STARD13: variants seen among roughly 807,000 people sequenced by gnomAD.
STARD13 encodes the protein StAR related lipid transfer domain containing 13.
Under a neutral mutation model 106.4 loss-of-function variants are expected in STARD13, and 62 were observed. The ratio of observed to expected loss-of-function variants is 0.58; its 90% CI spans 0.48 to 0.72. STARD13 has a LOEUF of 0.72. Among genes scored for constraint, STARD13 ranks in the 30% least tolerant of loss-of-function variants. The pLI, the probability that STARD13 is intolerant of heterozygous loss-of-function variation, is 0.00. For synonymous variants in STARD13, 565 were observed against 553.0 expected (o/e 1.02, Z -0.31); for missense variants, 1,387 against 1,424.0 (o/e 0.97, Z 0.42).
At chr13:33,592,497 A>G in the STARD13 span, among the ~76,000 whole-genome samples, 5 of 152,180 alleles carry the variant, frequency 3.3e-5, no homozygotes, top group South Asian at 4.1e-4. Context: ...CCAGGGGTCA[A>G]CTGTTTACAG....
At chr13:33,496,602 G>A in the STARD13 span, among the ~76,000 whole-genome samples, 1 of 151,976 alleles carries the variant, frequency 6.6e-6, no homozygotes, top group Admixed American at 6.6e-5. Context: ...TGAATCACCT[G>A]TATGCATAGG....
chr13:33,353,295 C>T (rs576633710), upstream of STARD13, among the ~76,000 whole-genome samples: 18 of 152,334 alleles, frequency 1.2e-4, no homozygotes, highest in African/African-American at 3.6e-4. Flanking sequence ...CCTCAATGAA[C>T]GTGATCTTGC....
intron 1 of STARD13, among the ~76,000 whole-genome samples, chr13:33,185,267 G>A (rs547176752): frequency 2.6e-5 from 4 of 152,272 alleles, no homozygotes; most frequent in East Asian, 3.9e-4. Context: ...TTAAGATCAC[G>A]GGATGAAGGA....
At chr13:33,403,585 T>C in the STARD13 span, among the ~76,000 whole-genome samples, 1 of 152,208 alleles carries the variant, frequency 6.6e-6, no homozygotes, top group Admixed American at 6.5e-5. Flanking sequence ...CGTAATAGGC[T>C]GGAAATAAAT....
the STARD13 span, among the ~76,000 whole-genome samples, chr13:33,642,269 T>A: frequency 6.6e-6 from 1 of 152,200 alleles, no homozygotes; most frequent in African/African-American, 2.4e-5. Flanking sequence ...AATAAACACC[T>A]GGATTTAACA....
chr13:33,606,086 G>A, the STARD13 span, among the ~76,000 whole-genome samples: 1 of 152,140 alleles, frequency 6.6e-6, no homozygotes, highest in African/African-American at 2.4e-5. Context: ...GATCAACTGA[G>A]GTCATGAGTT....
chr13:33,499,597 CTTCTTCTTT>C, the STARD13 span, among the ~76,000 whole-genome samples: 82 of 59,494 alleles, frequency 1.4e-3, no homozygotes, highest in African/African-American at 2.9e-3. Context: ...TCTTCTTCTT[CTTCTTCTTT>C]CTTCTTCTTC....
chr13:33,264,812 G>T (rs1468408085), intron 1 of STARD13, among the ~76,000 whole-genome samples: 1 of 152,170 alleles, frequency 6.6e-6, no homozygotes, highest in Admixed American at 6.5e-5. Context: ...TTACGGGAAT[G>T]GGTGTGACCA....
In STARD13 at chr13:33,145,532, T is replaced by C. The variant is rs568720434; in HGVS notation, c.324-3159A>G. On this transcript the variant is annotated intron_variant, in intron 3 of 13. Transcript: ENST00000336934. ...TCCACAAAAAGATTTATACTTTTTA[T>C]AATTTTTTTTTTGCTGTAAAAAGAT... Among the ~76,000 whole-genome samples, 12 of 119,706 alleles carry C rather than the reference T, an allele frequency of 1.0e-4. 1 individual carries two copies. Among genetic ancestry groups the C allele is most frequent in the Admixed American group, 9.4e-4 (11 of 11,712 alleles). The allele number at this position is 119,706 out of a possible 152,430, so 78.5% of individuals were successfully genotyped here.
At chr13:33,227,116 C>T (rs1371796500) in intron 1 of STARD13, among the ~76,000 whole-genome samples, 1 of 152,224 alleles carries the variant, frequency 6.6e-6, no homozygotes, top group Non-Finnish European at 1.5e-5. Context: ...CAAAATGCCT[C>T]AGTGACCAGT....
At chr13:33,106,506 G>A (rs1873726070) in intron 13 of STARD13, among the ~76,000 whole-genome samples, 1 of 152,134 alleles carries the variant, frequency 6.6e-6, no homozygotes, top group Non-Finnish European at 1.5e-5. Flanking sequence ...TTTCATGGGA[G>A]AAAGACAGAA....
chr13:33,404,105 G>C, the STARD13 span, among the ~76,000 whole-genome samples: 2 of 152,166 alleles, frequency 1.3e-5, no homozygotes, highest in Non-Finnish European at 2.9e-5. Context: ...TTGGTTTTGC[G>C]TAGCTGAAAT....
chr13:33,300,613 T>C lies in STARD13; in HGVS notation c.124+49677A>G, dbSNP rs1892673153. On this transcript the variant is annotated intron_variant, in intron 1 of 5. Coordinates refer to the STARD13 transcript ENST00000567873. Reference sequence around the variant, plus strand: ...ACGTGAAATGCTTATTTTAAAGCTATGCTATGTTACTTGGTAAAATTCTCT... The same window carrying C: ...ACGTGAAATGCTTATTTTAAAGCTACGCTATGTTACTTGGTAAAATTCTCT... Among the ~76,000 whole-genome samples the C allele has an allele frequency of 2.0e-5, 3 of 152,226 alleles. No homozygotes were observed. In the South Asian group the frequency reaches 6.2e-4, roughly 32 times the overall value.
the STARD13 span, among the ~76,000 whole-genome samples, chr13:33,391,373 A>G: frequency 6.6e-6 from 1 of 152,176 alleles, no homozygotes; most frequent in Non-Finnish European, 1.5e-5. Context: ...TTGTTTTAAA[A>G]TCGGATTCAA....
At chr13:33,549,647 T>G in the STARD13 span, among the ~76,000 whole-genome samples, 1 of 152,252 alleles carries the variant, frequency 6.6e-6, no homozygotes, top group South Asian at 2.1e-4. Context: ...AGAACCATTT[T>G]GGCTATTTCC....
chr13:33,142,133 A>G (rs1203811284), intron 4 of STARD13, among the ~76,000 whole-genome samples, 177 bp downstream of exon 4: 2 of 152,138 alleles, frequency 1.3e-5, no homozygotes, highest in South Asian at 2.1e-4. Flanking sequence ...GGTTCAAGCA[A>G]TGCCCCCAAC....
At chr13:33,205,927 G>A (rs1887387301) in intron 1 of STARD13, 1 of 985,188 alleles carries the variant, frequency 1.0e-6, no homozygotes, top group Non-Finnish European at 1.2e-6. Context: ...ACTGACAGAT[G>A]GTGCATCTGT....
the STARD13 span, among the ~76,000 whole-genome samples, chr13:33,446,377 G>T: frequency 6.6e-6 from 1 of 151,780 alleles, no homozygotes; most frequent in Non-Finnish European, 1.5e-5. Context: ...GAAGAGACAG[G>T]GATGATCACA....
the STARD13 span, among the ~76,000 whole-genome samples, chr13:33,410,770 A>T: frequency 1.3e-5 from 2 of 152,224 alleles, no homozygotes; most frequent in Admixed American, 1.3e-4. Flanking sequence ...CTGGAACCAT[A>T]CAGAACATTT....
Sources: allele counts gnomAD v4.1 joint callset (sites outside exome capture counted in the v4.1 genomes callset), GRCh38; gene constraint gnomAD v4.1.1; transcripts MANE v1.5; gene names NCBI Gene and HGNC (gene_info 2026-07-23, HGNC 2026-07-21).